The following ARNT2 variants were observed in gnomAD, a reference collection of about 807,000 sequenced individuals.
ARNT2 encodes the protein ARNT protein 2.
Under a neutral mutation model 91.7 loss-of-function variants are expected in ARNT2, and 36 were observed. The observed-to-expected ratio is 0.39, with a 90% CI of 0.30 to 0.52. The LOEUF is 0.52. ARNT2 is among the 20% of genes least tolerant of loss of function. ARNT2 has a pLI of 0.72. For missense variants in ARNT2, 775 were observed against 939.3 expected (o/e 0.83, Z 2.29); for synonymous variants, 365 against 347.1 (o/e 1.05, Z -0.57).
intron 12 of ARNT2, among the ~76,000 whole-genome samples, chr15:80,566,379 C>A (rs1898483040): frequency 6.6e-6 from 1 of 152,218 alleles, no homozygotes; most frequent in South Asian, 2.1e-4. Flanking sequence ...TTTCTGGCAT[C>A]TAGCAGAGGC....
chr15:80,566,264 C>A (rs1301764949), intron 12 of ARNT2, among the ~76,000 whole-genome samples: 1 of 150,662 alleles, frequency 6.6e-6, no homozygotes, highest in Non-Finnish European at 1.5e-5. Flanking sequence ...TCCTCTAACT[C>A]TGGGCAGATC....
At chr15:80,509,135 A>G (rs752983797) in intron 6 of ARNT2, among the ~76,000 whole-genome samples, 6 of 152,158 alleles carry the variant, frequency 3.9e-5, no homozygotes, top group Non-Finnish European at 8.8e-5. Flanking sequence ...GGTGCCCGGG[A>G]GTCAATGTTA....
chr15:80,504,397 GTC>G (rs1365183663), intron 5 of ARNT2, among the ~76,000 whole-genome samples: 3 of 152,288 alleles, frequency 2.0e-5, no homozygotes, highest in East Asian at 1.9e-4. Flanking sequence ...TTACATTAGT[GTC>G]TCTCACATAT....
At chr15:80,510,289 G>A (rs965882652) in intron 6 of ARNT2, among the ~76,000 whole-genome samples, 16 of 152,022 alleles carry the variant, frequency 1.1e-4, no homozygotes, top group African/African-American at 3.4e-4. Flanking sequence ...TTGGGGTTGA[G>A]GGGAATTCCA....
intron 5 of ARNT2, among the ~76,000 whole-genome samples, chr15:80,496,593 TA>T (rs1314072375): frequency 6.6e-6 from 1 of 152,214 alleles, no homozygotes; most frequent in African/African-American, 2.4e-5. Context: ...CCTGCCTGGA[TA>T]ACCATATAGA....
chr15:80,442,927 C>A, intron 1 of ARNT2: 1 of 985,408 alleles, frequency 1.0e-6, no homozygotes, highest in Non-Finnish European at 1.2e-6. Flanking sequence ...GACATCATCT[C>A]TTTCCTCTGG....
At chr15:80,577,914 G>A (rs749292583) in intron 15 of ARNT2, among the ~76,000 whole-genome samples, 15 of 152,198 alleles carry the variant, frequency 9.9e-5, no homozygotes, top group Non-Finnish European at 2.2e-4. Context: ...CTGCAGGCAG[G>A]GCCTCTGGTC....
At chr15:80,462,391 C>T (rs565938444) in intron 3 of ARNT2, among the ~76,000 whole-genome samples, 1 of 152,248 alleles carries the variant, frequency 6.6e-6, no homozygotes, top group East Asian at 1.9e-4. Flanking sequence ...TGAATGTATG[C>T]GTAATGTGTC....
chr15:80,500,250 A>G (rs1462022395), intron 5 of ARNT2, among the ~76,000 whole-genome samples: 1 of 152,196 alleles, frequency 6.6e-6, no homozygotes, highest in East Asian at 1.9e-4. Context: ...ACACACTGTC[A>G]CTGGAACAGT....
chr15:80,457,958 G>T lies in ARNT2; in HGVS notation c.176G>T (p.Gly59Val). 1.2e-6 allele frequency: 2 copies of T among 1,613,864 alleles called. No individual in the cohort carries two copies. The highest frequency in any genetic ancestry group is 1.7e-6 in the Non-Finnish European group (2 of 1,179,906). Reference protein sequence around the residue: ...GMDFDDEDGEGPSKFSRENHS... With the variant: ...GMDFDDEDGEVPSKFSRENHS... Reference sequence around the variant, plus strand: ...GACTTCGATGATGAAGATGGTGAAGGCCCCAGTAAATTTTCAAGGTAAGTT... The same window carrying T: ...GACTTCGATGATGAAGATGGTGAAGTCCCCAGTAAATTTTCAAGGTAAGTT... Residue 59 changes from glycine (G) to valine (V), a missense_variant, in exon 3 of 19, where the codon GGC (glycine) becomes GTC (valine). By Grantham distance (109) the Gly-to-Val change is moderately radical (BLOSUM62 -3). This residue lies in a region of ARNT2 where 83 missense variants were observed against 149.4 expected (regional missense o/e 0.56). Transcript: ENST00000303329.
intron 1 of ARNT2, among the ~76,000 whole-genome samples, chr15:80,436,557 A>G (rs1199259639): frequency 1.3e-5 from 2 of 152,166 alleles, no homozygotes; most frequent in Non-Finnish European, 2.9e-5. Flanking sequence ...TACTCCCAGG[A>G]CACCCACATC....
chr15:80,420,084 A>G (rs778254978), intron 1 of ARNT2, among the ~76,000 whole-genome samples: 1 of 152,106 alleles, frequency 6.6e-6, no homozygotes, highest in African/African-American at 2.4e-5. Flanking sequence ...ACATTTTATC[A>G]TCTCACACCA....
chr15:80,506,821 T>A (rs1398858312), intron 5 of ARNT2, among the ~76,000 whole-genome samples: 1 of 152,110 alleles, frequency 6.6e-6, no homozygotes, highest in Non-Finnish European at 1.5e-5. Flanking sequence ...GGAGCTGGAC[T>A]GAGGAAGAGG....
At chr15:80,580,249 G>A in intron 15 of ARNT2, 162 bp from the exon 16 acceptor site, 1 of 901,930 alleles carries the variant, frequency 1.1e-6, no homozygotes, top group South Asian at 1.5e-5. Context: ...GACGGCCAAG[G>A]GGCTTTGAGG....
chr15:80,425,748 G>C (rs867353601), intron 1 of ARNT2, among the ~76,000 whole-genome samples: 8 of 151,226 alleles, frequency 5.3e-5, no homozygotes, highest in African/African-American at 1.9e-4. Flanking sequence ...TGTTTGTTTT[G>C]AAAATCTATA....
chr15:80,575,156 G>A (rs1596021721), intron 14 of ARNT2, 46 bp downstream of exon 14: 1 of 1,602,764 alleles, frequency 6.2e-7, no homozygotes, highest in African/African-American at 1.3e-5. Flanking sequence ...TGGGTTTACA[G>A]TTGCTTTCAG....
chr15:80,570,499 T>A (rs4778824), intron 12 of ARNT2, among the ~76,000 whole-genome samples: 8,298 of 152,270 alleles, frequency 0.054, 720 homozygotes, highest in African/African-American at 0.19. Flanking sequence ...GTAATGCTTT[T>A]TTTTTCTATT....
At chr15:80,405,446 C>G (rs565536456) in intron 1 of ARNT2, among the ~76,000 whole-genome samples, 45 of 152,066 alleles carry the variant, frequency 3.0e-4, no homozygotes, top group African/African-American at 9.9e-4. Flanking sequence ...GAGGGCGGCC[C>G]CCAGGAAATT....
chr15:80,438,710 G>T (rs1896133644), intron 1 of ARNT2, among the ~76,000 whole-genome samples: 1 of 152,138 alleles, frequency 6.6e-6, no homozygotes, highest in Non-Finnish European at 1.5e-5. Context: ...GGGGTGGGGG[G>T]ATGGAGTCTG....
Sources: gnomAD v4.1 joint callset for allele counts (sites outside exome capture counted in the v4.1 genomes callset) on GRCh38, gnomAD v4.1.1 for gene constraint, gnomAD v4.1.1 regional missense constraint, MANE v1.5 for transcripts, NCBI Gene and HGNC (gene_info 2026-07-23, HGNC 2026-07-21) for gene names.